The following PDE8A variants were observed in gnomAD, a reference collection of about 807,000 sequenced individuals.
The protein encoded by PDE8A is high affinity cAMP-specific and IBMX-insensitive 3',5'-cyclic phosphodiesterase 8A.
In PDE8A, 59 loss-of-function variants were observed where a neutral mutation model predicts 105.0. The observed-to-expected ratio is 0.56, with a 90% confidence interval of 0.46 to 0.70. The LOEUF (loss-of-function observed/expected upper bound fraction) is 0.70. Among genes scored for constraint, PDE8A ranks in the 30% least tolerant of loss-of-function variants. The probability of loss-of-function intolerance (pLI) is 0.00; values close to 1 mark genes in which losing one functional copy is unlikely to be tolerated. For synonymous variants in PDE8A, 355 were observed against 371.9 expected (o/e 0.95, Z 0.52); for missense variants, 1,014 against 1,045.9 (o/e 0.97, Z 0.42).
intron 20 of PDE8A, among the ~76,000 whole-genome samples, chr15:85,128,751 T>C (rs1184313225): frequency 2.6e-5 from 4 of 152,214 alleles, no homozygotes; most frequent in African/African-American, 9.7e-5. Flanking sequence ...AAAGAAGCTA[T>C]TATGAAAAGC....
chr15:85,109,824 A>G (rs745591518), intron 12 of PDE8A, among the ~76,000 whole-genome samples: 1 of 152,230 alleles, frequency 6.6e-6, no homozygotes, highest in Non-Finnish European at 1.5e-5. Flanking sequence ...GGTAAGGCCC[A>G]GATGACATGC....
intron 3 of PDE8A, among the ~76,000 whole-genome samples, chr15:85,067,618 G>A (rs2081250080): frequency 6.6e-6 from 1 of 152,188 alleles, no homozygotes; most frequent in Admixed American, 6.5e-5. Flanking sequence ...AGAATTCTCT[G>A]TAGTGACCTA....
chr15:85,134,533 A>G (rs535570284), intron 20 of PDE8A, among the ~76,000 whole-genome samples: 36 of 63,298 alleles, frequency 5.7e-4, no homozygotes, highest in Admixed American at 2.7e-3. Flanking sequence ...ATGCTGGGCC[A>G]GCGTTCCCCA....
intron 1 of PDE8A, among the ~76,000 whole-genome samples, chr15:85,023,598 G>A (rs2080464446): frequency 6.7e-6 from 1 of 148,358 alleles, no homozygotes; most frequent in African/African-American, 2.4e-5. Flanking sequence ...GGAGGAATTA[G>A]GTTCAAGATT....
intron 16 of PDE8A, 151 bp downstream of exon 16, chr15:85,116,270 G>A: frequency 1.5e-6 from 1 of 661,670 alleles, no homozygotes; most frequent in Non-Finnish European, 2.5e-6. Flanking sequence ...GTGGCTCTGA[G>A]TCACCAGGGC....
intron 17 of PDE8A, among the ~76,000 whole-genome samples, chr15:85,118,646 C>T (rs1030716181): frequency 2.0e-5 from 3 of 152,256 alleles, no homozygotes; most frequent in Non-Finnish European, 4.4e-5. Context: ...GAGCTCCTCT[C>T]ATCATTTCTT....
intron 11 of PDE8A, among the ~76,000 whole-genome samples, chr15:85,104,906 C>G (rs958867805): frequency 6.6e-5 from 10 of 152,044 alleles, no homozygotes; most frequent in African/African-American, 2.4e-4. Flanking sequence ...TTCATTCATT[C>G]ATCATTCATC....
At chr15:85,079,202 G>A (rs971864084) in intron 5 of PDE8A, among the ~76,000 whole-genome samples, 5 of 152,078 alleles carry the variant, frequency 3.3e-5, no homozygotes, top group African/African-American at 1.2e-4. Context: ...TTAAAAGAAG[G>A]GACATACTCA....
At chr15:85,003,842 G>T (rs373847708) in intron 1 of PDE8A, among the ~76,000 whole-genome samples, 9 of 152,306 alleles carry the variant, frequency 5.9e-5, no homozygotes, top group East Asian at 3.9e-4. Flanking sequence ...AAGAGTGGAA[G>T]ACTGTTCTCA....
At chr15:85,064,460 T>A (rs2081190547) in intron 2 of PDE8A, 34 bp downstream of exon 2, 14 of 1,437,762 alleles carry the variant, frequency 9.7e-6, no homozygotes, top group Non-Finnish European at 1.4e-5. Flanking sequence ...TTTCACATGC[T>A]GATTTTCTTT....
chr15:85,064,301 G>A, intron 1 of PDE8A, 69 bp from the exon 2 acceptor site: 3 of 1,187,250 alleles, frequency 2.5e-6, no homozygotes, highest in Admixed American at 1.9e-5. Flanking sequence ...GCACTGTTTA[G>A]AGAGAGAAAA....
intron 14 of PDE8A, among the ~76,000 whole-genome samples, chr15:85,114,775 G>C (rs2082069870): frequency 6.6e-6 from 1 of 152,196 alleles, no homozygotes; most frequent in South Asian, 2.1e-4. Flanking sequence ...TCTCACTGTG[G>C]TCTTGCCTAT....
At chr15:85,110,008 G>A (rs1425939596) in intron 12 of PDE8A, among the ~76,000 whole-genome samples, 1 of 152,204 alleles carries the variant, frequency 6.6e-6, no homozygotes, top group East Asian at 1.9e-4. Context: ...AGCCTTGAGG[G>A]TGGACTTCTG....
At chr15:85,006,126 G>T (rs182287879) in intron 1 of PDE8A, among the ~76,000 whole-genome samples, 4 of 152,188 alleles carry the variant, frequency 2.6e-5, no homozygotes, top group South Asian at 4.2e-4. Context: ...GTTGTGAGGT[G>T]GGGGGAGGGA....
chr15:85,007,905 G>A (rs748542394), intron 1 of PDE8A, among the ~76,000 whole-genome samples: 13 of 152,182 alleles, frequency 8.5e-5, no homozygotes, highest in African/African-American at 2.9e-4. Flanking sequence ...ATACAGTGGT[G>A]CCTGTAGTGG....
Position 85,115,994 on chromosome 15 carries a change from G to C in PDE8A, c.1410G>C (p.Met470Ile). ...TACATCACTTTACAGACACTCAAAT[G>C]GTTTCAAGCAATATAATCACTCCCA... ...EYVLSTKNTQMVSSNIITPIS... is the reference protein window; with the variant it reads ...EYVLSTKNTQIVSSNIITPIS... Residue 470 changes from methionine (M) to isoleucine (I), a missense_variant, in exon 16 of 22, where the codon ATG becomes ATC. By Grantham distance (10) the Met-to-Ile change is conservative. Transcript: ENST00000394553. The C allele has an allele frequency of 6.2e-7, 1 of 1,613,164 alleles. No individual in the cohort carries two copies. The highest frequency in any genetic ancestry group is 8.5e-7 in the Non-Finnish European group (1 of 1,179,290).
At chr15:85,016,487 C>G (rs1377635819) in intron 1 of PDE8A, among the ~76,000 whole-genome samples, 1 of 152,128 alleles carries the variant, frequency 6.6e-6, no homozygotes, top group African/African-American at 2.4e-5. Context: ...GAGTTCATTT[C>G]TGGATTCTCT....
intron 11 of PDE8A, among the ~76,000 whole-genome samples, chr15:85,106,347 C>A (rs1031796017): frequency 2.6e-5 from 4 of 152,134 alleles, no homozygotes; most frequent in Non-Finnish European, 5.9e-5. Flanking sequence ...TACTGTAACT[C>A]CTAGTTTACC....
intron 20 of PDE8A, among the ~76,000 whole-genome samples, chr15:85,134,521 G>A (rs1025968070): frequency 9.8e-5 from 13 of 133,152 alleles, no homozygotes; most frequent in Admixed American, 2.4e-4. Flanking sequence ...CACAGCCAGC[G>A]GATGCTGGGC....
Sources: allele counts gnomAD v4.1 joint callset (sites outside exome capture counted in the v4.1 genomes callset), GRCh38; gene constraint gnomAD v4.1.1; transcripts MANE v1.5; gene names NCBI Gene and HGNC (gene_info 2026-07-23, HGNC 2026-07-21).